The following CDK5RAP2 variants were observed in gnomAD, a reference collection of about 807,000 sequenced individuals.
The protein encoded by CDK5RAP2 is CDK5 regulatory subunit-associated protein 2.
A neutral mutation model predicts 232.9 loss-of-function variants in CDK5RAP2; 147 were observed. The ratio of observed to expected loss-of-function variants is 0.63; its 90% CI spans 0.55 to 0.72. The LOEUF (loss-of-function observed/expected upper bound fraction) is 0.72. CDK5RAP2 is among the 30% of genes least tolerant of loss of function. CDK5RAP2 has a pLI of 0.00. For synonymous variants in CDK5RAP2, 833 were observed against 833.7 expected, an observed-to-expected ratio of 1.00 and a Z score of 0.01; for missense variants, 2,195 against 2,231.5, an observed-to-expected ratio of 0.98 and a Z score of 0.33.
chr9:120,580,020 C>T lies in CDK5RAP2; in HGVS notation c.-42G>A. On this transcript the variant is annotated 5_prime_UTR_variant, in exon 1 of 38. Coordinates refer to ENST00000349780, the MANE Select transcript of CDK5RAP2 (RefSeq NM_018249.6). ...ACAGCGTTGGTGTCTGTGGCGGCGG[C>T]GCCACTAGTACCCCCCGCGATAGCG... The T allele has an allele frequency of 7.3e-7, 1 of 1,374,176 alleles. No individual in the cohort carries two copies. The highest frequency in any genetic ancestry group is 1.0e-6 in the Non-Finnish European group (1 of 967,346). The allele number at this position is 1,374,176 out of a possible 1,614,324, so 85.1% of individuals were successfully genotyped here. A position where few individuals can be genotyped will look rare whatever the true frequency, so the allele number is the denominator to read the frequency against.
rs532825970 is a variant in CDK5RAP2, at chr9:120,439,187, G to A, written c.3722+212C>T. ...AGAGGACCCAAGACTCGTAACTGAC[G>A]TTCAAGTGCGTGGTCGCTGTTCCTC... On this transcript the variant is annotated intron_variant, in intron 24 of 37. Transcript: ENST00000349780. 2.8e-4 allele frequency among the ~76,000 whole-genome samples: 42 copies of A among 152,262 alleles called. 1 individual carries two copies. The highest frequency in any genetic ancestry group is 9.1e-4 in the African/African-American group (38 of 41,564).
chr9:120,563,131 T>C (rs2042520967), intron 3 of CDK5RAP2, among the ~76,000 whole-genome samples: 2 of 152,070 alleles, frequency 1.3e-5, no homozygotes, highest in African/African-American at 4.8e-5. Flanking sequence ...GGGTAGCCTC[T>C]CTAACAAGGC....
In CDK5RAP2 at chr9:120,460,661, C is replaced by A. The variant is rs772006427; in HGVS notation, c.2113G>T (p.Ala705Ser). The A allele has an allele frequency of 8.1e-6, 13 of 1,613,830 alleles. No homozygotes were observed. The highest frequency in any genetic ancestry group is 1.1e-5 in the Non-Finnish European group (13 of 1,179,944). The change falls in exon 19 of 38, where the codon GCT becomes TCT. Residue 705 changes from alanine (A) to serine (S), a missense_variant. Physicochemically the swap from Ala to Ser is moderately conservative, Grantham distance 99. Transcript: ENST00000349780. ...LASTEQTELLASKEDEDTIKI... is the reference protein window; with the variant it reads ...LASTEQTELLSSKEDEDTIKI... ...ATCGTGTCCTCGTCCTCCTTGCTAG[C>A]CAGAAGCTACATGGAGCATGGAATG...
At chr9:120,477,629 G>C (rs1258886550) in intron 14 of CDK5RAP2, among the ~76,000 whole-genome samples, 179 bp from the exon 15 acceptor site, 1 of 152,160 alleles carries the variant, frequency 6.6e-6, no homozygotes, top group Non-Finnish European at 1.5e-5. Context: ...GAGGAGTGGG[G>C]AATGACTGCC....
At chr9:120,397,790 C>CCTAGA (rs989368309) in intron 35 of CDK5RAP2, among the ~76,000 whole-genome samples, 2 of 152,146 alleles carry the variant, frequency 1.3e-5, no homozygotes, top group African/African-American at 2.4e-5. Context: ...CTCAAACCTA[C>CCTAGA]CTAGAGGGCT....
At chr9:120,435,820 A>G (rs2131305780) in intron 25 of CDK5RAP2, among the ~76,000 whole-genome samples, 1 of 152,346 alleles carries the variant, frequency 6.6e-6, no homozygotes, top group Middle Eastern at 3.4e-3. Context: ...CTGATCATAA[A>G]CAAACAAGAA....
chr9:120,533,209 TGA>T (rs907221973), intron 7 of CDK5RAP2, among the ~76,000 whole-genome samples: 4 of 152,078 alleles, frequency 2.6e-5, no homozygotes, highest in African/African-American at 4.8e-5. Flanking sequence ...CCTCCCACAC[TGA>T]GAGCACCATA....
intron 35 of CDK5RAP2, among the ~76,000 whole-genome samples, chr9:120,399,043 A>G (rs2032758932): frequency 6.6e-6 from 1 of 152,202 alleles, no homozygotes. Context: ...ACCACATCGG[A>G]GCATCTCAAA....
chr9:120,577,997 C>T (rs1419057077), intron 1 of CDK5RAP2, among the ~76,000 whole-genome samples: 2 of 152,192 alleles, frequency 1.3e-5, no homozygotes, highest in African/African-American at 4.8e-5. Context: ...ACGCCGGGCG[C>T]GGTGGCTCAC....
intron 7 of CDK5RAP2, among the ~76,000 whole-genome samples, chr9:120,530,904 G>GT (rs35576819): frequency 0.97 from 138,663 of 142,432 alleles, 67,599 homozygotes; most frequent in East Asian, 1. Flanking sequence ...TATACCTAAT[G>GT]TAAATGACAA....
chr9:120,578,306 A>G (rs1347586339), intron 1 of CDK5RAP2, among the ~76,000 whole-genome samples: 1 of 152,192 alleles, frequency 6.6e-6, no homozygotes, highest in Non-Finnish European at 1.5e-5. Flanking sequence ...AAATTGTAGT[A>G]TAAAAAACTA....
At chr9:120,552,358 A>G (rs560476108) in intron 3 of CDK5RAP2, among the ~76,000 whole-genome samples, 38 of 152,266 alleles carry the variant, frequency 2.5e-4, no homozygotes, top group Middle Eastern at 6.8e-3. Flanking sequence ...TACCCAAAGG[A>G]TTATAAATCA....
At position 120,403,736 on chromosome 9, in the gene CDK5RAP2, A is replaced by G. The variant is rs1005613006; in HGVS notation, c.5041+300T>C. 5 of 453,900 alleles carry G rather than the reference A, an allele frequency of 1.1e-5. No homozygotes were observed. The highest frequency in any genetic ancestry group is 6.9e-5 in the Admixed American group (2 of 29,118). 28.1% of individuals were successfully genotyped at this position (453,900 alleles called of 1,614,324 possible). A position where few individuals can be genotyped will look rare whatever the true frequency, so the allele number is the denominator to read the frequency against. ...GTGTGGCTACACCAGGTTAAGGGAT[A>G]AGGCTGGACGGACCCACTGGAGCTG... On this transcript the variant is annotated intron_variant, in intron 33 of 37. Coordinates refer to ENST00000349780, the MANE Select transcript of CDK5RAP2 (RefSeq NM_018249.6). The surrounding 1 kb of genome is among the most constrained non-coding windows in gnomAD (Gnocchi z 4.2).
At chr9:120,465,493 G>T (rs924682478) in intron 18 of CDK5RAP2, among the ~76,000 whole-genome samples, 4 of 152,058 alleles carry the variant, frequency 2.6e-5, no homozygotes, top group Non-Finnish European at 5.9e-5. Context: ...GTGGTACCCA[G>T]CTGGTGAGGC....
In CDK5RAP2 at chr9:120,411,488, CATAAAAACTGATTT is replaced by C. The variant is rs754917094; in HGVS notation, c.4298-28_4298-15del. ...TGCTTGTAGAACCTATAAAAACACA[CATAAAAACTGATTT>C]ATAAACAGTCTCCAGATCAGTATAG... is the stretch of plus-strand genomic sequence containing the variant. On this transcript the variant is annotated splice_polypyrimidine_tract_variant and intron_variant, in intron 28 of 37. Transcript: ENST00000349780. 7.2e-7 allele frequency: 1 copy of C among 1,382,672 alleles called. No homozygotes were observed. 85.7% of individuals were successfully genotyped at this position (1,382,672 alleles called of 1,614,324 possible). A position where few individuals can be genotyped will look rare whatever the true frequency, so the allele number is the denominator to read the frequency against.
chr9:120,389,521 T>C (rs917946902), intron 37 of CDK5RAP2, among the ~76,000 whole-genome samples: 1 of 152,232 alleles, frequency 6.6e-6, no homozygotes, highest in Non-Finnish European at 1.5e-5. Flanking sequence ...GCTGTATTTC[T>C]TACTGGTAAA....
chr9:120,487,116 A>G (rs2038652854), intron 14 of CDK5RAP2, among the ~76,000 whole-genome samples, 178 bp downstream of exon 14: 1 of 152,256 alleles, frequency 6.6e-6, no homozygotes, highest in East Asian at 1.9e-4. Context: ...ACTAATATTC[A>G]TTGAAGGATA....
intron 13 of CDK5RAP2, among the ~76,000 whole-genome samples, chr9:120,488,328 A>G (rs1209530865): frequency 6.6e-6 from 1 of 152,250 alleles, no homozygotes; most frequent in Non-Finnish European, 1.5e-5. Context: ...GGAATCAAAT[A>G]ACCAATACTG....
chr9:120,540,227 G>A (rs902082032), intron 5 of CDK5RAP2, among the ~76,000 whole-genome samples: 8 of 152,204 alleles, frequency 5.3e-5, no homozygotes, highest in Non-Finnish European at 1.0e-4. Context: ...AAGACTGTAT[G>A]AGCAGTCCTC....
Sources: gnomAD v4.1 joint callset for allele counts (sites outside exome capture counted in the v4.1 genomes callset) on GRCh38, gnomAD v4.1.1 for gene constraint, Gnocchi (gnomAD v3.1) non-coding constraint, MANE v1.5 for transcripts, NCBI Gene and HGNC (gene_info 2026-07-23, HGNC 2026-07-21) for gene names.